Variants in TBC1D9 observed in about 807,000 individuals in gnomAD.
TBC1D9 encodes the protein TBC1 domain family member 9, also known as TBC1 domain family member 9A.
Under a neutral mutation model 132.0 loss-of-function variants are expected in TBC1D9, and 63 were observed. That is an observed-to-expected ratio of 0.48 (90% CI 0.39 to 0.59). The LOEUF is 0.59. TBC1D9 is among the 20% of genes least tolerant of loss of function. The pLI, the probability that TBC1D9 is intolerant of heterozygous loss-of-function variation, is 0.00. For missense variants in TBC1D9, 1,261 were observed against 1,592.7 expected (o/e 0.79, Z 3.54); for synonymous variants, 610 against 609.9 (o/e 1.00, Z 0.00).
At position 140,706,433 on chromosome 4, in the gene TBC1D9, G is replaced by C. The variant is rs1423482801; in HGVS notation, c.131-4819C>G. ...TAGTATCTACCCTAGAAAGTGCTTAGTATGCACTAAGCACTATTGTGTAAT... is the reference window on the plus strand; with the variant it reads ...TAGTATCTACCCTAGAAAGTGCTTACTATGCACTAAGCACTATTGTGTAAT... On this transcript the variant is annotated intron_variant, in intron 1 of 20. Transcript: ENST00000442267. This position sits in a 1 kb window ranked among gnomAD's most constrained non-coding sequence, Gnocchi z 4.0. Among the ~76,000 whole-genome samples, 4 of 152,156 alleles carry C rather than the reference G, an allele frequency of 2.6e-5. No homozygotes were observed.
chr4:140,643,975 G>A (rs889915854), intron 13 of TBC1D9: 3 of 581,878 alleles, frequency 5.2e-6, no homozygotes, highest in African/African-American at 3.7e-5. Context: ...TCAGCCAGCG[G>A]CTCTTCCTCC....
At position 140,679,692 on chromosome 4, in the gene TBC1D9, C is replaced by A; in HGVS notation, c.512G>T (p.Gly171Val). The change falls in exon 4 of 21, where the codon GGG becomes GTG. Residue 171 changes from glycine (G) to valine (V), a missense_variant. Physicochemically the swap from Gly to Val is moderately radical, Grantham distance 109. Coordinates refer to ENST00000442267, the MANE Select transcript of TBC1D9 (RefSeq NM_015130.3). Reference protein sequence around the residue: ...VNYYSCSYWKGKVPRQGWMYL... With the variant: ...VNYYSCSYWKVKVPRQGWMYL... ...CATCCAACCCTGACGGGGGACCTTC[C>A]CCTTCCAATAGCTGCAAGAGTAATA... 1 of 1,613,840 alleles carries A rather than the reference C, an allele frequency of 6.2e-7. No homozygotes were observed. Among genetic ancestry groups the A allele is most frequent in the Non-Finnish European group, 8.5e-7 (1 of 1,179,826 alleles).
At position 140,683,043 on chromosome 4, in the gene TBC1D9, C is replaced by A; in HGVS notation, c.361-3200G>T. 1.3e-5 allele frequency among the ~76,000 whole-genome samples: 2 copies of A among 152,068 alleles called. 1 individual carries two copies. The highest frequency in any genetic ancestry group is 2.9e-5 in the Non-Finnish European group (2 of 68,004). On this transcript the variant is annotated intron_variant, in intron 3 of 20. Coordinates refer to ENST00000442267, the MANE Select transcript of TBC1D9 (RefSeq NM_015130.3). ...CTGGGATTACAGGCATGCACCACCA[C>A]GCCTGGCTAATTTTTTTGTATTTTT...
intron 10 of TBC1D9, among the ~76,000 whole-genome samples, chr4:140,660,432 T>C (rs1483583111): frequency 6.6e-6 from 1 of 152,214 alleles, no homozygotes; most frequent in Admixed American, 6.5e-5. Context: ...CCGGTAACTG[T>C]TCATCAGGCT....
intron 1 of TBC1D9, among the ~76,000 whole-genome samples, chr4:140,754,861 A>T (rs1738984283): frequency 1.3e-5 from 2 of 152,140 alleles, no homozygotes; most frequent in African/African-American, 4.8e-5. Flanking sequence ...CCTGAATTTT[A>T]ATCTTAAGAA....
intron 2 of TBC1D9, among the ~76,000 whole-genome samples, chr4:140,689,722 T>C (rs955790953): frequency 1.2e-3 from 40 of 32,212 alleles, no homozygotes; most frequent in Admixed American, 2.0e-3. Context: ...CCCTTCCCCC[T>C]CCCTTCCCTT....
chr4:140,741,428 T>C (rs966637954), intron 1 of TBC1D9, among the ~76,000 whole-genome samples: 1 of 152,134 alleles, frequency 6.6e-6, no homozygotes, highest in African/African-American at 2.4e-5. Context: ...ATCAGAGACA[T>C]TTATCAGGCC....
At chr4:140,642,286 C>T in intron 13 of TBC1D9, 2 of 712,172 alleles carry the variant, frequency 2.8e-6, no homozygotes, top group Non-Finnish European at 5.0e-6. Context: ...GAGGCAAACG[C>T]GGAATGGGCC....
chr4:140,726,794 T>C (rs1343495066), intron 1 of TBC1D9, among the ~76,000 whole-genome samples: 2 of 152,224 alleles, frequency 1.3e-5, no homozygotes, highest in African/African-American at 2.4e-5. Context: ...CCACATTATC[T>C]TTGTTACACA....
At position 140,701,552 on chromosome 4, in the gene TBC1D9, T is replaced by G. The variant is rs749612649; in HGVS notation, c.193A>C (p.Ile65Leu). Residue 65 changes from isoleucine (I) to leucine (L), a missense_variant, in exon 2 of 21, where the codon ATC becomes CTC. Physicochemically the swap from Ile to Leu is conservative, Grantham distance 5. Around this residue, in one of 3 missense-constraint regions of TBC1D9, gnomAD observed 550 missense variants for 699.0 expected, o/e 0.79. Transcript: ENST00000442267. ...DSSARVAPYR[I>L]LYQTPDSLVY... ...AGGGAGTCTGGAGTCTGGTACAAGATTCGGTAAGGAGCGACCCGGGCGCTG... is the reference window on the plus strand; with the variant it reads ...AGGGAGTCTGGAGTCTGGTACAAGAGTCGGTAAGGAGCGACCCGGGCGCTG... The G allele has an allele frequency of 1.2e-6, 2 of 1,613,846 alleles. No individual in the cohort carries two copies. Among genetic ancestry groups the G allele is most frequent in the Non-Finnish European group, 1.7e-6 (2 of 1,179,842 alleles).
intron 1 of TBC1D9, among the ~76,000 whole-genome samples, chr4:140,735,634 C>A (rs1578861772): frequency 6.6e-6 from 1 of 152,082 alleles, no homozygotes; most frequent in East Asian, 1.9e-4. Context: ...TCACTTGAGC[C>A]CAGGAGTTCA....
intron 17 of TBC1D9, 88 bp from the exon 18 acceptor site, chr4:140,627,615 T>A: frequency 1.1e-6 from 1 of 905,050 alleles, no homozygotes; most frequent in Non-Finnish European, 1.7e-6. Flanking sequence ...ATGACATAAG[T>A]GGGGATGAAA....
intron 16 of TBC1D9, among the ~76,000 whole-genome samples, chr4:140,632,830 G>A (rs1014325521): frequency 6.6e-6 from 1 of 152,186 alleles, no homozygotes; most frequent in African/African-American, 2.4e-5. Context: ...TGCCAGGCAT[G>A]CAGTAAATGC....
rs938983268 is a variant in TBC1D9 at position 140,676,959 on chromosome 4, T to C, written c.994A>G (p.Thr332Ala). The change falls in exon 6 of 21, where the codon ACA becomes GCA. Residue 332 changes from threonine to alanine, a missense_variant. Thr to Ala is a moderately conservative substitution (Grantham distance 58). This residue lies in a region of TBC1D9 where 550 missense variants were observed against 699.0 expected (regional missense o/e 0.79). Coordinates refer to ENST00000442267, the MANE Select transcript of TBC1D9 (RefSeq NM_015130.3). ...TTGCTGGTAAAACAGATGTAATTTG[T>C]GGACACAAACATCTGCCCCAAAATG... ...MHILGQMFVS[T>A]NYICFTSKEE... is the part of the protein sequence containing the mutation. 9 of 1,613,930 alleles carry C rather than the reference T, an allele frequency of 5.6e-6. No individual in the cohort carries two copies. Among genetic ancestry groups the C allele is most frequent in the Non-Finnish European group, 7.6e-6 (9 of 1,179,898 alleles).
At chr4:140,676,274 C>T (rs1737623133) in intron 6 of TBC1D9, among the ~76,000 whole-genome samples, 1 of 152,222 alleles carries the variant, frequency 6.6e-6, no homozygotes, top group Non-Finnish European at 1.5e-5. Context: ...CATGCCCTTG[C>T]CTTTCAGGAT....
At chr4:140,662,728 C>T (rs977144633) in intron 9 of TBC1D9, among the ~76,000 whole-genome samples, 1 of 152,112 alleles carries the variant, frequency 6.6e-6, no homozygotes, top group African/African-American at 2.4e-5. Context: ...GAGGGTTATA[C>T]TGAGAATCAT....
chr4:140,679,911 A>G, intron 3 of TBC1D9, 68 bp from the exon 4 acceptor site: 24 of 1,341,650 alleles, frequency 1.8e-5, no homozygotes, highest in Non-Finnish European at 2.4e-5. Context: ...ATATTCCAGA[A>G]GAAAAAATTT....
intron 13 of TBC1D9, 57 bp from the exon 14 acceptor site, chr4:140,639,485 T>C: frequency 8.0e-7 from 1 of 1,246,928 alleles, no homozygotes; most frequent in Non-Finnish European, 1.2e-6. Context: ...CACAATGTCC[T>C]GTCTGCAGAA....
rs576088172 is a variant in TBC1D9 at position 140,633,001 on chromosome 4, A to G, written c.2746+947T>C. On this transcript the variant is annotated intron_variant, in intron 16 of 20. Transcript: ENST00000442267. ...AGCGTATAGATGAGTACTTTATACA[A>G]TTTTTGTTTTAACCTCAACGGACCT... 2.0e-5 allele frequency among the ~76,000 whole-genome samples: 3 copies of G among 152,292 alleles called. No individual in the cohort carries two copies. The South Asian group carries it at 6.2e-4, about 32-fold the overall frequency.
Sources: allele counts gnomAD v4.1 joint callset (sites outside exome capture counted in the v4.1 genomes callset), GRCh38; gene constraint gnomAD v4.1.1; regional missense constraint gnomAD v4.1.1; non-coding constraint Gnocchi (gnomAD v3.1); transcripts MANE v1.5; gene names NCBI Gene and HGNC (gene_info 2026-07-23, HGNC 2026-07-21).